ATP11A: variants seen among roughly 807,000 people sequenced by gnomAD.
ATP11A encodes phospholipid-transporting ATPase IH.
A neutral mutation model predicts 154.4 loss-of-function variants in ATP11A; 81 were observed. The observed-to-expected ratio is 0.52, with a 90% confidence interval of 0.44 to 0.63. The LOEUF (loss-of-function observed/expected upper bound fraction) is 0.63, where lower values mean the gene tolerates loss of function less well. Ranked by LOEUF, ATP11A falls within the 30% of genes least tolerant of loss-of-function variation. ATP11A has a pLI of 0.00. For synonymous variants in ATP11A, 623 were observed against 585.9 expected, an observed-to-expected ratio of 1.06 and a Z score of -0.91; for missense variants, 1,316 against 1,474.3, an observed-to-expected ratio of 0.89 and a Z score of 1.76.
In ATP11A at chr13:112,696,022, C is replaced by G. The variant is rs1427139736; in HGVS notation, c.39+5567C>G. Among the ~76,000 whole-genome samples the G allele has an allele frequency of 6.6e-6, 1 of 152,190 alleles. No homozygotes were observed. Among genetic ancestry groups the G allele is most frequent in the South Asian group, 2.1e-4 (1 of 4,832 alleles). Reference sequence around the variant, plus strand: ...TCCCAGAGGTGCCGAGGTTAGGCGTCGGAGTCTGACAGACCCACATTCAAG... The same window carrying G: ...TCCCAGAGGTGCCGAGGTTAGGCGTGGGAGTCTGACAGACCCACATTCAAG... On this transcript the variant is annotated intron_variant, in intron 1 of 29. Coordinates refer to ENST00000375645, the MANE Select transcript of ATP11A (RefSeq NM_015205.3). This position sits in a 1 kb window ranked among gnomAD's most constrained non-coding sequence, Gnocchi z 6.2.
intron 12 of ATP11A, among the ~76,000 whole-genome samples, chr13:112,829,799 T>G (rs138693656): frequency 7.9e-4 from 120 of 152,268 alleles, no homozygotes; most frequent in African/African-American, 2.8e-3. Context: ...GCCTAAAGAC[T>G]CCACCAAAAA....
At chr13:112,714,453 C>T (rs768415617) in intron 1 of ATP11A, among the ~76,000 whole-genome samples, 24 of 152,096 alleles carry the variant, frequency 1.6e-4, no homozygotes, top group Non-Finnish European at 3.1e-4. Flanking sequence ...AAGGACAGCC[C>T]TTCCCCTTCC....
At chr13:112,740,142 CTCTCTCTATATATA>C (rs1165174816) in intron 1 of ATP11A, among the ~76,000 whole-genome samples, 3 of 104,456 alleles carry the variant, frequency 2.9e-5, no homozygotes, top group African/African-American at 1.4e-4. Flanking sequence ...CTCTCTCTCT[CTCTCTCTATATATA>C]TATATATATA....
intron 1 of ATP11A, among the ~76,000 whole-genome samples, chr13:112,784,391 AG>A (rs2077570648): frequency 6.6e-6 from 1 of 152,154 alleles, no homozygotes; most frequent in African/African-American, 2.4e-5. Context: ...CCGGTGTCCA[AG>A]CCCCACCTCT....
At chr13:112,816,325 A>C (rs1594782835) in intron 6 of ATP11A, 114 bp downstream of exon 6, 3 of 1,377,466 alleles carry the variant, frequency 2.2e-6, no homozygotes, top group African/African-American at 1.4e-5. Flanking sequence ...TTTTCATGTA[A>C]CCCAGGGAGT....
intron 4 of ATP11A, 123 bp from the exon 5 acceptor site, chr13:112,810,496 C>A: frequency 2.6e-6 from 2 of 767,752 alleles, no homozygotes; most frequent in Non-Finnish European, 2.2e-6. Flanking sequence ...CTGAAAAATA[C>A]ACCCCCACAG....
chr13:112,846,662 T>C (rs531038336), intron 17 of ATP11A, among the ~76,000 whole-genome samples: 1 of 152,304 alleles, frequency 6.6e-6, no homozygotes, highest in East Asian at 1.9e-4. Context: ...GTCCCCTCGT[T>C]TGGGGCAGGG....
At chr13:112,769,004 A>C (rs145238163) in intron 1 of ATP11A, among the ~76,000 whole-genome samples, 2 of 152,124 alleles carry the variant, frequency 1.3e-5, no homozygotes, top group East Asian at 3.9e-4. Flanking sequence ...GGTGTGACCC[A>C]TGGTGGAAAG....
rs1277495046 is a variant in ATP11A at position 112,882,221 on chromosome 13, C to G, written c.*355C>G. The G allele has an allele frequency of 3.2e-6, 3 of 945,754 alleles. No individual in the cohort carries two copies. In the East Asian group the frequency reaches 1.5e-4, roughly 49 times the overall value. The allele number at this position is 945,754 out of a possible 1,614,324, so 58.6% of individuals were successfully genotyped here. A position where few individuals can be genotyped will look rare whatever the true frequency, so the allele number is the denominator to read the frequency against. ...GCCACACCAGTGGCCTCTGGGCATTCGGCTCAACGCAGGAGGGACATTCTG... is the reference window on the plus strand; with the variant it reads ...GCCACACCAGTGGCCTCTGGGCATTGGGCTCAACGCAGGAGGGACATTCTG... On this transcript the variant is annotated 3_prime_UTR_variant, in exon 30 of 30. Coordinates refer to ENST00000375645, the MANE Select transcript of ATP11A (RefSeq NM_015205.3). The surrounding 1 kb of genome is among the most constrained non-coding windows in gnomAD (Gnocchi z 5.1).
chr13:112,786,689 T>A (rs1365327503), intron 2 of ATP11A, among the ~76,000 whole-genome samples: 1 of 150,644 alleles, frequency 6.6e-6, no homozygotes, highest in African/African-American at 2.5e-5. Context: ...CAGACTCCAT[T>A]TATCTTCACC....
intron 2 of ATP11A, among the ~76,000 whole-genome samples, chr13:112,793,819 C>A (rs1019206404): frequency 1.3e-5 from 2 of 152,244 alleles, no homozygotes; most frequent in Non-Finnish European, 2.9e-5. Flanking sequence ...GGGTTCGTCT[C>A]GCAGCCAGAG....
chr13:112,878,966 A>G (rs1023516069), intron 29 of ATP11A, among the ~76,000 whole-genome samples: 2 of 152,224 alleles, frequency 1.3e-5, no homozygotes, highest in Non-Finnish European at 2.9e-5. Context: ...CCTTCTATTA[A>G]TAATTTGCTT....
intron 8 of ATP11A, among the ~76,000 whole-genome samples, chr13:112,822,545 A>G (rs2140210952): frequency 6.6e-6 from 1 of 152,258 alleles, no homozygotes; most frequent in South Asian, 2.1e-4. Flanking sequence ...GTCTCCAGGA[A>G]TAAGACTGTG....
At chr13:112,788,368 C>G (rs539511990) in intron 2 of ATP11A, among the ~76,000 whole-genome samples, 1 of 149,694 alleles carries the variant, frequency 6.7e-6, no homozygotes, top group South Asian at 2.1e-4. Flanking sequence ...TAATTCACAC[C>G]GGTGTCCTAA....
At chr13:112,768,508 G>A (rs575645005) in intron 1 of ATP11A, among the ~76,000 whole-genome samples, 17 of 152,184 alleles carry the variant, frequency 1.1e-4, no homozygotes, top group Non-Finnish European at 2.2e-4. Flanking sequence ...TTACTGACTC[G>A]CAGTCCTGCA....
At position 112,831,423 on chromosome 13, in the gene ATP11A, A is replaced by G; in HGVS notation, c.1270A>G (p.Met424Val). ...DKTGTLTENN[M>V]EFKECCIEGH... ...GACCGGCACCCTCACGGAAAACAAC[A>G]TGGAGTTCAAGGAGTGCTGCATCGA... Residue 424 changes from methionine (M) to valine (V), a missense_variant, in exon 13 of 30, where the codon ATG becomes GTG. Transcript: ENST00000375645. 1 of 1,614,124 alleles carries G rather than the reference A, an allele frequency of 6.2e-7. No individual in the cohort carries two copies.
intron 2 of ATP11A, among the ~76,000 whole-genome samples, chr13:112,791,888 C>T (rs999960435): frequency 2.0e-5 from 3 of 152,180 alleles, no homozygotes; most frequent in Non-Finnish European, 4.4e-5. Context: ...CGTAAGTCTC[C>T]TTCCTACCAG....
intron 1 of ATP11A, among the ~76,000 whole-genome samples, chr13:112,693,509 T>C (rs1189271031): frequency 1.3e-5 from 2 of 151,398 alleles, no homozygotes; most frequent in Non-Finnish European, 2.9e-5. Context: ...CGTGGGGTGG[T>C]GTATGTGCTG....
At chr13:112,770,369 T>C (rs905000031) in intron 1 of ATP11A, among the ~76,000 whole-genome samples, 1 of 152,134 alleles carries the variant, frequency 6.6e-6, no homozygotes, top group Non-Finnish European at 1.5e-5. Flanking sequence ...AGAATGCCAC[T>C]GAGAGCCTTG....
Sources: gnomAD v4.1 joint callset for allele counts (sites outside exome capture counted in the v4.1 genomes callset) on GRCh38, gnomAD v4.1.1 for gene constraint, Gnocchi (gnomAD v3.1) non-coding constraint, MANE v1.5 for transcripts, NCBI Gene and HGNC (gene_info 2026-07-23, HGNC 2026-07-21) for gene names.